Variants in CELF4 observed in about 807,000 individuals in gnomAD.
The protein encoded by CELF4 is CUG-BP- and ETR-3-like factor 4.
A neutral mutation model predicts 59.9 loss-of-function variants in CELF4; 18 were observed. That is an observed-to-expected ratio of 0.30 (90% CI 0.21 to 0.45). The LOEUF (loss-of-function observed/expected upper bound fraction) is 0.45. Among genes scored for constraint, CELF4 ranks in the 20% least tolerant of loss-of-function variants. The pLI is 1.00. For synonymous variants in CELF4, 261 were observed against 267.1 expected (o/e 0.98, Z 0.22); for missense variants, 456 against 689.0 (o/e 0.66, Z 3.79).
intron 1 of CELF4, among the ~76,000 whole-genome samples, chr18:37,493,661 G>A (rs2099916538): frequency 1.3e-5 from 2 of 151,946 alleles, no homozygotes; most frequent in Non-Finnish European, 2.9e-5. Context: ...GCAGGGTGGG[G>A]GTGATGGGGA....
At position 37,249,684 on chromosome 18, in the gene CELF4, G is replaced by C. The variant is rs551622922; in HGVS notation, c.*44+4083C>G. 1.1e-4 allele frequency among the ~76,000 whole-genome samples: 17 copies of C among 152,196 alleles called. 1 individual carries two copies. The East Asian group carries it at 1.6e-3, about 14-fold the overall frequency. ...TCTGCCTGCAGGGTGACCCCTTCCC[G>C]ACCACTCTCGGGGTGGAGGCTCACA... On this transcript the variant is annotated intron_variant, in intron 12 of 12. Coordinates refer to ENST00000420428, the MANE Select transcript of CELF4 (RefSeq NM_020180.4).
chr18:37,247,903 C>T (rs543069205), intron 12 of CELF4, among the ~76,000 whole-genome samples: 2 of 152,322 alleles, frequency 1.3e-5, no homozygotes, highest in African/African-American at 4.8e-5. Flanking sequence ...AGGGGTGGCG[C>T]TCCCTCCCTC....
rs141123873 is a variant in CELF4 at position 37,335,327 on chromosome 18, G to C, written c.370-13446C>G. Among the ~76,000 whole-genome samples the C allele has an allele frequency of 5.0e-4, 76 of 152,232 alleles. 1 individual carries two copies. The Middle Eastern group carries it at 0.01, about 21-fold the overall frequency. On this transcript the variant is annotated intron_variant, in intron 2 of 12. Transcript: ENST00000420428. ...TGGGTGTGAATGTGTGTGCGTGAGG[G>C]CTGGAGTGTATGGTGAGGGGTCTGC...
chr18:37,366,833 T>C (rs2098791414), intron 2 of CELF4, among the ~76,000 whole-genome samples: 1 of 152,170 alleles, frequency 6.6e-6, no homozygotes, highest in South Asian at 2.1e-4. Flanking sequence ...AGCCTCCCTG[T>C]CTGGGTGGAG....
intron 2 of CELF4, among the ~76,000 whole-genome samples, chr18:37,432,256 C>T (rs1192319516): frequency 6.6e-6 from 1 of 152,208 alleles, no homozygotes; most frequent in African/African-American, 2.4e-5. Flanking sequence ...TTGTGAGGGC[C>T]ACCCGCCAAT....
chr18:37,329,732 T>G (rs888607468), intron 2 of CELF4, among the ~76,000 whole-genome samples: 1 of 152,230 alleles, frequency 6.6e-6, no homozygotes, highest in Non-Finnish European at 1.5e-5. Context: ...CCAAGCCCCA[T>G]GGACTTCATT....
chr18:37,375,749 G>A (rs139024367), intron 2 of CELF4, among the ~76,000 whole-genome samples: 2 of 152,164 alleles, frequency 1.3e-5, no homozygotes, highest in African/African-American at 2.4e-5. Flanking sequence ...TGAGTGTGTG[G>A]GATGCAGCCG....
At chr18:37,365,479 CAAT>C (rs2098765494) in intron 2 of CELF4, among the ~76,000 whole-genome samples, 4 of 80,180 alleles carry the variant, frequency 5.0e-5, no homozygotes, top group Non-Finnish European at 9.6e-5. Context: ...GCGGATGGGG[CAAT>C]TTTTTTTTTT....
At chr18:37,443,380 G>A (rs1200497784) in intron 2 of CELF4, among the ~76,000 whole-genome samples, 1 of 152,214 alleles carries the variant, frequency 6.6e-6, no homozygotes, top group East Asian at 1.9e-4. Context: ...TCTGCCCTGT[G>A]CTACCCCATA....
At chr18:37,309,862 C>T (rs1433222496) in intron 3 of CELF4, among the ~76,000 whole-genome samples, 1 of 149,686 alleles carries the variant, frequency 6.7e-6, no homozygotes, top group African/African-American at 2.5e-5. Flanking sequence ...TGTTTTCATG[C>T]CTTTGCCTGT....
At chr18:37,492,814 A>G (rs938900057) in intron 1 of CELF4, among the ~76,000 whole-genome samples, 2 of 152,080 alleles carry the variant, frequency 1.3e-5, no homozygotes, top group Non-Finnish European at 2.9e-5. Context: ...TGCCTCAAGG[A>G]TGAGCCTCAT....
chr18:37,258,569 G>A (rs2071797294), intron 11 of CELF4, among the ~76,000 whole-genome samples: 1 of 152,220 alleles, frequency 6.6e-6, no homozygotes, highest in Non-Finnish European at 1.5e-5. Context: ...CCCAGCTCTG[G>A]TGGCCTGAGG....
At chr18:37,510,727 C>T (rs1318710539) in intron 1 of CELF4, among the ~76,000 whole-genome samples, 10 of 31,560 alleles carry the variant, frequency 3.2e-4, no homozygotes, top group Admixed American at 1.1e-3. Flanking sequence ...CTGTTTTCTC[C>T]TTGGCTCCTG....
chr18:37,562,624 T>G (rs1489684756), intron 1 of CELF4, among the ~76,000 whole-genome samples: 1 of 152,222 alleles, frequency 6.6e-6, no homozygotes, highest in Non-Finnish European at 1.5e-5. Context: ...AGCCTCATCA[T>G]GCTTTCTGAC....
chr18:37,564,740 C>T (rs2099987624), intron 1 of CELF4, among the ~76,000 whole-genome samples: 1 of 151,682 alleles, frequency 6.6e-6, no homozygotes, highest in Non-Finnish European at 1.5e-5. Context: ...AACATCCAAC[C>T]CCCCCACCCC....
chr18:37,284,005 C>CATA (rs1569524024), intron 3 of CELF4, among the ~76,000 whole-genome samples: 1 of 43,212 alleles, frequency 2.3e-5, no homozygotes, highest in African/African-American at 1.2e-4. Flanking sequence ...ACAAACCCAA[C>CATA]CACTCAACAT....
chr18:37,488,976 G>A (rs2099889860), intron 1 of CELF4, among the ~76,000 whole-genome samples: 1 of 152,216 alleles, frequency 6.6e-6, no homozygotes, highest in South Asian at 2.1e-4. Context: ...TTGCCAGTGA[G>A]TATGAACAGC....
At chr18:37,354,986 G>A (rs1603626541) in intron 2 of CELF4, among the ~76,000 whole-genome samples, 1 of 152,364 alleles carries the variant, frequency 6.6e-6, no homozygotes, top group African/African-American at 2.4e-5. Flanking sequence ...GACATTGAGA[G>A]CAGGGCTCTG....
chr18:37,379,762 G>A (rs1237367533), intron 2 of CELF4, among the ~76,000 whole-genome samples: 1 of 152,262 alleles, frequency 6.6e-6, no homozygotes, highest in Non-Finnish European at 1.5e-5. Flanking sequence ...GAGCAGAGCT[G>A]GAGAGGTTCT....
Sources: allele counts gnomAD v4.1 joint callset (sites outside exome capture counted in the v4.1 genomes callset), GRCh38; gene constraint gnomAD v4.1.1; transcripts MANE v1.5; gene names NCBI Gene and HGNC (gene_info 2026-07-23, HGNC 2026-07-21).